The following SFTPA2 variants were observed in gnomAD, a reference collection of about 807,000 sequenced individuals.
The protein encoded by SFTPA2 is pulmonary surfactant-associated protein A2.
SFTPA2 carries 21 observed loss-of-function variants against 20.3 expected under a neutral mutation model. That is an observed-to-expected ratio of 1.03 (90% CI 0.73 to 1.49). The LOEUF is 1.49. Among genes scored for constraint, SFTPA2 ranks in the 40% most tolerant of loss-of-function variants. SFTPA2 has a pLI of 0.00. For synonymous variants in SFTPA2, 116 were observed against 118.7 expected (o/e 0.98, Z 0.15); for missense variants, 302 against 314.8 (o/e 0.96, Z 0.31).
At chr10:79,557,962 G>A in intron 5 of SFTPA2, 90 bp downstream of exon 5, 1 of 1,594,710 alleles carries the variant, frequency 6.3e-7, no homozygotes, top group South Asian at 1.1e-5. Context: ...GTGCACGCTT[G>A]TTTGTCATCT....
chr10:79,557,171 C>T lies in SFTPA2; in HGVS notation c.*38G>A. ...GATCCTGGGGATGGAAACTGAAGGC[C>T]AGACAGGATCCTCCCTGTCCCATGG... On this transcript the variant is annotated 3_prime_UTR_variant, in exon 6 of 6. Coordinates refer to ENST00000372325, the MANE Select transcript of SFTPA2 (RefSeq NM_001098668.4). 3 of 1,614,086 alleles carry T rather than the reference C, an allele frequency of 1.9e-6. No individual in the cohort carries two copies. The highest frequency in any genetic ancestry group is 2.5e-6 in the Non-Finnish European group (3 of 1,179,986).
Position 79,558,894 on chromosome 10 carries a change from C to T in SFTPA2, c.284G>A (p.Gly95Asp). ...TGCCCCGCCCTGCTCACCTGGAGGG[C>T]CTCTCTCGCCAGCCTCCCCCTTCTC... ...RGEKGEAGER[G>D]PPGLPAHLDE... Residue 95 changes from glycine to aspartate, a missense_variant, in exon 4 of 6, where the codon GGC becomes GAC. Coordinates refer to ENST00000372325, the MANE Select transcript of SFTPA2 (RefSeq NM_001098668.4). The T allele has an allele frequency of 6.2e-7, 1 of 1,614,108 alleles. No homozygotes were observed. The highest frequency in any genetic ancestry group is 8.5e-7 in the Non-Finnish European group (1 of 1,180,016).
chr10:79,560,187 A>T (rs17881246), intron 1 of SFTPA2, 177 bp downstream of exon 1: 2 of 204,750 alleles, frequency 9.8e-6, no homozygotes, highest in South Asian at 1.6e-4. Context: ...ATATCAAAGC[A>T]TGAGGGTCTT....
At chr10:79,558,708 G>A (rs1236503259) in intron 4 of SFTPA2, among the ~76,000 whole-genome samples, 178 bp downstream of exon 4, 1 of 152,116 alleles carries the variant, frequency 6.6e-6, no homozygotes, top group Non-Finnish European at 1.5e-5. Flanking sequence ...TCTCTGAATT[G>A]TGACCACACT....
At chr10:79,558,775 A>T (rs1858971188) in intron 4 of SFTPA2, 111 bp downstream of exon 4, 3 of 1,583,364 alleles carry the variant, frequency 1.9e-6, no homozygotes, top group Middle Eastern at 1.8e-4. Context: ...AGGTTGAGCC[A>T]AATGCCCTTG....
rs765027742 is a variant in SFTPA2, at chr10:79,559,005, C to T, written c.173G>A (p.Gly58Asp). ...DGVKGDPGPP[G>D]PMGPPGETPC... ...TGTTTCTCCAGGCGGACCCATGGGG[C>T]CTGCAGAGAAAAGAGACATGGATGT... The change falls in exon 4 of 6, where the codon GGC becomes GAC. Residue 58 changes from glycine to aspartate, a missense_variant and splice_region_variant. By Grantham distance (94) the Gly-to-Asp change is moderately conservative. This residue lies in a region of SFTPA2 where 264 missense variants were observed against 261.7 expected (regional missense o/e 1.01). Transcript: ENST00000372325. 1.2e-6 allele frequency: 2 copies of T among 1,614,130 alleles called. No individual in the cohort carries two copies. Among genetic ancestry groups the T allele is most frequent in the East Asian group, 4.5e-5 (2 of 44,870 alleles).
intron 5 of SFTPA2, 142 bp from the exon 6 acceptor site, chr10:79,557,727 A>T (rs1336525546): frequency 9.3e-7 from 1 of 1,078,620 alleles, no homozygotes; most frequent in East Asian, 2.5e-5. Context: ...TTCCAATTGC[A>T]GTTTTCTAAA....
rs952220994 is a variant in SFTPA2 at position 79,556,496 on chromosome 10, G to C, written c.*713C>G. On this transcript the variant is annotated 3_prime_UTR_variant, in exon 6 of 6. Transcript: ENST00000372325. ...AAGTTACTCGGGTCATGTCTGCAGT[G>C]GGGGGCTCTTCCCTAGAGGCCTTGG... 1.3e-5 allele frequency: 2 copies of C among 154,484 alleles called. No homozygotes were observed. Among genetic ancestry groups the C allele is most frequent in the African/African-American group, 4.8e-5 (2 of 41,454 alleles). 9.6% of individuals were successfully genotyped at this position (154,484 alleles called of 1,614,324 possible). A position where few individuals can be genotyped will look rare whatever the true frequency, so the allele number is the denominator to read the frequency against.
chr10:79,559,611 G>C, intron 2 of SFTPA2, 105 bp from the exon 3 acceptor site: 1 of 1,585,134 alleles, frequency 6.3e-7, no homozygotes, highest in South Asian at 1.1e-5. Context: ...GAGGCAGGGC[G>C]GGCGAGACCA....
intron 5 of SFTPA2, 66 bp from the exon 6 acceptor site, chr10:79,557,651 G>C: frequency 1.2e-6 from 2 of 1,604,804 alleles, no homozygotes; most frequent in East Asian, 4.5e-5. Context: ...CCCTCACCTA[G>C]GGTCTCTGCT....
rs1323230747 is a variant in SFTPA2, at chr10:79,559,344, C to T, written c.140G>A (p.Arg47Lys). 3 of 1,613,890 alleles carry T rather than the reference C, an allele frequency of 1.9e-6. No homozygotes were observed. The highest frequency in any genetic ancestry group is 1.7e-6 in the Non-Finnish European group (2 of 1,179,846). ...GCCAGGGTCTCCTTTGACACCATCT[C>T]TCCCGTCCCTGCCTGGCAGGCCGTG... ...GSHGLPGRDG[R>K]DGVKGDPGPP... Residue 47 changes from arginine (R) to lysine (K), a missense_variant, in exon 3 of 6, where the codon AGA becomes AAA. By Grantham distance (26) the Arg-to-Lys change is conservative. Transcript: ENST00000372325.
intron 2 of SFTPA2, 160 bp from the exon 3 acceptor site, chr10:79,559,666 A>T (rs1027316228): frequency 6.4e-7 from 1 of 1,553,786 alleles, no homozygotes; most frequent in Non-Finnish European, 8.7e-7. Context: ...TCCAAGCATC[A>T]CCTGGCACCT....
In SFTPA2 at chr10:79,558,700, T is replaced by C. The variant is rs376008404; in HGVS notation, c.292+186A>G. On this transcript the variant is annotated intron_variant, in intron 4 of 5. Transcript: ENST00000372325. ...GGAGGACTTCCCACACCTGCCCTTC[T>C]CTGAATTGTGACCACACTCCCCAGA... 1.2e-3 allele frequency among the ~76,000 whole-genome samples: 182 copies of C among 152,282 alleles called. 2 individuals carry two copies. Among genetic ancestry groups the C allele is most frequent in the East Asian group, 7.7e-3 (40 of 5,180 alleles).
rs1379830887 is a variant in SFTPA2, at chr10:79,560,022, G to A, written c.-53-24C>T. On this transcript the variant is annotated intron_variant, in intron 1 of 5. Transcript: ENST00000372325. The stretch of plus-strand genomic sequence containing the variant: ...ACCTGAGAATGAAAAGAGATGAATA[G>A]GGCCCACAGCCTGGACCCTTCAAGG... 7.9e-6 allele frequency: 9 copies of A among 1,137,232 alleles called. No individual in the cohort carries two copies. In the East Asian group the frequency reaches 4.8e-4, roughly 61 times the overall value. 70.4% of individuals were successfully genotyped at this position (1,137,232 alleles called of 1,614,324 possible). A position where few individuals can be genotyped will look rare whatever the true frequency, so the allele number is the denominator to read the frequency against.
chr10:79,559,096 G>C, intron 3 of SFTPA2, 91 bp from the exon 4 acceptor site: 1 of 1,612,324 alleles, frequency 6.2e-7, no homozygotes, highest in South Asian at 1.1e-5. Flanking sequence ...ACCGGGGCTG[G>C]CTCAGCTATC....
chr10:79,558,918 T>C lies in SFTPA2; in HGVS notation c.260A>G (p.Glu87Gly). The stretch of plus-strand genomic sequence containing the variant: ...GCCTCTCTCGCCAGCCTCCCCCTTC[T>C]CTCCACGCTCTCCAGGGACACCAGG... ...GAPGVPGERG[E>G]KGEAGERGPP... The change falls in exon 4 of 6, where the codon GAG becomes GGG. Residue 87 changes from glutamate (E) to glycine (G), a missense_variant. Physicochemically the swap from Glu to Gly is moderately conservative, Grantham distance 98. Coordinates refer to ENST00000372325, the MANE Select transcript of SFTPA2 (RefSeq NM_001098668.4). The C allele has an allele frequency of 1.2e-6, 2 of 1,613,862 alleles. No homozygotes were observed. The highest frequency in any genetic ancestry group is 1.7e-6 in the Non-Finnish European group (2 of 1,179,976).
chr10:79,558,789 A>T lies in SFTPA2; in HGVS notation c.292+97T>A, dbSNP rs2217231. The T allele has an allele frequency of 0.73, 1,161,934 of 1,599,778 alleles. 426,196 individuals are homozygous for T. The highest frequency in any genetic ancestry group is 0.86 in the African/African-American group (64,265 of 74,570). On this transcript the variant is annotated intron_variant, in intron 4 of 5. Coordinates refer to ENST00000372325, the MANE Select transcript of SFTPA2 (RefSeq NM_001098668.4). ...TAGGTTGAGCCAAATGCCCTTGGGG[A>T]ACCTGCAGGGTTTGTCTGACCCCCA...
chr10:79,559,385 G>A lies in SFTPA2; in HGVS notation c.99C>T (p.Pro33=), dbSNP rs187488613. ...GCAGGCCGTGGGATCCAGGAGTGCC[G>A]GGGATACCAGGGCTTCCAACACAAA... ...KDVCVGSPGI[P]GTPGSHGLPG... The change falls in exon 3 of 6, where the codon CCC becomes CCT. Residue 33 remains proline, a synonymous_variant. Coordinates refer to ENST00000372325, the MANE Select transcript of SFTPA2 (RefSeq NM_001098668.4). The A allele has an allele frequency of 4.3e-5, 69 of 1,613,704 alleles. No individual in the cohort carries two copies. Among genetic ancestry groups the A allele is most frequent in the East Asian group, 3.6e-4 (16 of 44,840 alleles).
Position 79,557,545 on chromosome 10 carries a change from C to T in SFTPA2, c.411G>A (p.Lys137=). Residue 137 remains lysine (K), a synonymous_variant, in exon 6 of 6, where the codon AAG becomes AAA. Transcript: ENST00000372325. ...LQGSIMTVGE[K]VFSSNGQSIT... is the part of the protein sequence containing the mutation. ...TGGACTGCCCATTGCTGGAGAAGAC[C>T]TTCTCTCCTACTGTCATTATGGAGC... 1.2e-6 allele frequency: 2 copies of T among 1,612,638 alleles called. No individual in the cohort carries two copies. Among genetic ancestry groups the T allele is most frequent in the African/African-American group, 1.3e-5 (1 of 74,852 alleles).
Sources: allele counts gnomAD v4.1 joint callset (sites outside exome capture counted in the v4.1 genomes callset), GRCh38; gene constraint gnomAD v4.1.1; regional missense constraint gnomAD v4.1.1; transcripts MANE v1.5; gene names NCBI Gene and HGNC (gene_info 2026-07-23, HGNC 2026-07-21).